HSPH1: variants seen among roughly 807,000 people sequenced by gnomAD.
The protein encoded by HSPH1 is heat shock protein 105 kDa.
In HSPH1, 40 loss-of-function variants were observed where a neutral mutation model predicts 100.0. The ratio of observed to expected loss-of-function variants is 0.40; its 90% CI spans 0.31 to 0.52. HSPH1 has a LOEUF of 0.52. Among genes scored for constraint, HSPH1 ranks in the 20% least tolerant of loss-of-function variants. HSPH1 has a pLI of 0.54. For synonymous variants in HSPH1, 403 were observed against 344.0 expected (o/e 1.17, Z -1.90); for missense variants, 876 against 1,015.1 (o/e 0.86, Z 1.86).
At chr13:31,151,214 T>C (rs761487352) in intron 6 of HSPH1, 23 bp from the exon 7 acceptor site, 10 of 1,564,876 alleles carry the variant, frequency 6.4e-6, no homozygotes, top group Non-Finnish European at 7.8e-6. Flanking sequence ...AAACAACAAA[T>C]AGTCTGGTTA....
chr13:31,156,070 A>G (rs1406699139), intron 2 of HSPH1, among the ~76,000 whole-genome samples: 1 of 152,242 alleles, frequency 6.6e-6, no homozygotes, highest in Non-Finnish European at 1.5e-5. Context: ...TAGTAGCACT[A>G]TAGCCAAATT....
Position 31,135,320 on chromosome 13 carries a change from T to G in HSPH1, c.*1998A>C, listed in dbSNP as rs1955858459. On this transcript the variant is annotated 3_prime_UTR_variant, in exon 18 of 18. Transcript: ENST00000320027. The stretch of plus-strand genomic sequence containing the variant: ...AATCTTTTTTAATGGATGTCCTAAT[T>G]GTACACAGAACACAAACCTATCTTC... 1 of 152,352 alleles carries G rather than the reference T, an allele frequency of 6.6e-6. No homozygotes were observed. The highest frequency in any genetic ancestry group is 1.9e-4 in the East Asian group (1 of 5,190). 9.4% of individuals were successfully genotyped at this position (152,352 alleles called of 1,614,324 possible). A position where few individuals can be genotyped will look rare whatever the true frequency, so the allele number is the denominator to read the frequency against.
In HSPH1 at chr13:31,135,055, G is replaced by A. The variant is rs886429720; in HGVS notation, c.*2263C>T. The A allele has an allele frequency of 6.6e-6, 1 of 152,158 alleles. No individual in the cohort carries two copies. Among genetic ancestry groups the A allele is most frequent in the Non-Finnish European group, 1.5e-5 (1 of 68,030 alleles). 9.4% of individuals were successfully genotyped at this position (152,158 alleles called of 1,614,324 possible). A position where few individuals can be genotyped will look rare whatever the true frequency, so the allele number is the denominator to read the frequency against. On this transcript the variant is annotated 3_prime_UTR_variant, in exon 18 of 18. Coordinates refer to ENST00000320027, the MANE Select transcript of HSPH1 (RefSeq NM_006644.4). ...AATTGTAAAATTTAATCTTTAAACA[G>A]CATTTATTCAAACTGGTGCATATCT...
At chr13:31,146,480 T>C (rs1192732687) in intron 10 of HSPH1, among the ~76,000 whole-genome samples, 1 of 152,144 alleles carries the variant, frequency 6.6e-6, no homozygotes. Context: ...TTTGCAAGCA[T>C]AAGGAAGATG....
At chr13:31,150,267 C>T in intron 7 of HSPH1, 85 bp from the exon 8 acceptor site, 1 of 947,436 alleles carries the variant, frequency 1.1e-6, no homozygotes. Context: ...TCATTATTTT[C>T]CCCCTCAGAC....
intron 5 of HSPH1, chr13:31,152,644 A>T (rs1956529277): frequency 2.9e-6 from 1 of 350,114 alleles, no homozygotes; most frequent in South Asian, 4.5e-5. Flanking sequence ...AAACATGAAA[A>T]GAATTCTCTA....
At chr13:31,143,607 C>T (rs1208290272) in intron 12 of HSPH1, among the ~76,000 whole-genome samples, 185 bp downstream of exon 12, 1 of 152,088 alleles carries the variant, frequency 6.6e-6, no homozygotes, top group Non-Finnish European at 1.5e-5. Flanking sequence ...ACATTCAATT[C>T]CCTTAATTGA....
In HSPH1 at chr13:31,137,284, T is replaced by C. The variant is rs909759643; in HGVS notation, c.*34A>G. 7.7e-7 allele frequency: 1 copy of C among 1,295,814 alleles called. No individual in the cohort carries two copies. The highest frequency in any genetic ancestry group is 1.5e-5 in the African/African-American group (1 of 67,304). The allele number at this position is 1,295,814 out of a possible 1,614,324, so 80.3% of individuals were successfully genotyped here. On this transcript the variant is annotated 3_prime_UTR_variant, in exon 18 of 18. Transcript: ENST00000320027. ...GTCACATACTATGGCAAAAATATTT[T>C]ATTAATTGAAGGAATAGGCCAATTT...
In HSPH1 at chr13:31,138,451, G is replaced by T. The variant is rs771022114; in HGVS notation, c.2326C>A (p.Gln776Lys). 2 of 1,613,134 alleles carry T rather than the reference G, an allele frequency of 1.2e-6. No individual in the cohort carries two copies. Among genetic ancestry groups the T allele is most frequent in the South Asian group, 2.2e-5 (2 of 91,010 alleles). The change falls in exon 17 of 18, where the codon CAG (glutamine) becomes AAG (lysine). Residue 776 changes from glutamine to lysine, a missense_variant. Gln to Lys is a moderately conservative substitution (Grantham distance 53, BLOSUM62 1). Coordinates refer to ENST00000320027, the MANE Select transcript of HSPH1 (RefSeq NM_006644.4). ...TCCTGAGCACGTACAACTGGATCCT[G>T]ATCAAGACTCTTTTTAGCCTGAGCA... is the stretch of plus-strand genomic sequence containing the variant. ...MNAQAKKSLD[Q>K]DPVVRAQEIK...
rs1259700601 is a variant in HSPH1, at chr13:31,141,174, T to C, written c.1802A>G (p.Asn601Ser). 6 of 1,609,320 alleles carry C rather than the reference T, an allele frequency of 3.7e-6. No individual in the cohort carries two copies. In the African/African-American group the frequency reaches 4.0e-5, roughly 11 times the overall value. Residue 601 changes from asparagine to serine, a missense_variant, in exon 13 of 18, where the codon AAC (asparagine) becomes AGC (serine). By Grantham distance (46) the Asn-to-Ser change is conservative. Coordinates refer to ENST00000320027, the MANE Select transcript of HSPH1 (RefSeq NM_006644.4). ...VVNVELPIEA[N>S]LVWQLGKDLL... ...GTCTTTCCCTAACTGCCAGACCAAG[T>C]TGGCTTCAATAGGCAGCTCAACATT... is the stretch of plus-strand genomic sequence containing the variant.
chr13:31,152,461 C>A (rs1261161936), intron 5 of HSPH1: 1 of 203,176 alleles, frequency 4.9e-6, no homozygotes, highest in Non-Finnish European at 1.0e-5. Flanking sequence ...TAAATGATCA[C>A]CTATCTACAG....
chr13:31,149,881 T>A, intron 8 of HSPH1, 73 bp downstream of exon 8: 1 of 1,193,762 alleles, frequency 8.4e-7, no homozygotes, highest in African/African-American at 1.5e-5. Flanking sequence ...CTGTTTATTA[T>A]CCCACCATGA....
intron 6 of HSPH1, 101 bp from the exon 7 acceptor site, chr13:31,151,292 A>C: frequency 1.1e-6 from 1 of 946,634 alleles, no homozygotes; most frequent in Non-Finnish European, 1.6e-6. Context: ...TAAGAGACTC[A>C]AGACTATATT....
At chr13:31,150,807 C>A (rs1956459990) in intron 7 of HSPH1, 140 bp downstream of exon 7, 1 of 810,994 alleles carries the variant, frequency 1.2e-6, no homozygotes, top group African/African-American at 1.7e-5. Flanking sequence ...TGGTGATAAA[C>A]AACAGCATCT....
intron 4 of HSPH1, among the ~76,000 whole-genome samples, chr13:31,153,576 C>G (rs1956564718): frequency 6.6e-6 from 1 of 152,132 alleles, no homozygotes; most frequent in Non-Finnish European, 1.5e-5. Flanking sequence ...AGTTGTAATT[C>G]TTTTTTGACT....
rs1956178256 is a variant in HSPH1, at chr13:31,143,735, A to G, written c.1716+57T>C. The G allele has an allele frequency of 6.2e-6, 9 of 1,445,176 alleles. No individual in the cohort carries two copies. The South Asian group carries it at 1.2e-4, about 19-fold the overall frequency. 89.5% of individuals were successfully genotyped at this position (1,445,176 alleles called of 1,614,324 possible). A position where few individuals can be genotyped will look rare whatever the true frequency, so the allele number is the denominator to read the frequency against. On this transcript the variant is annotated intron_variant, in intron 12 of 17. Coordinates refer to ENST00000320027, the MANE Select transcript of HSPH1 (RefSeq NM_006644.4). ...CTTGAAACTGCAATTTAATGATATC[A>G]TTAATGATTACACTTTGCAACATTG... is the stretch of plus-strand genomic sequence containing the variant.
intron 10 of HSPH1, among the ~76,000 whole-genome samples, chr13:31,147,400 G>C (rs928690206): frequency 1.3e-5 from 2 of 151,342 alleles, no homozygotes; most frequent in East Asian, 2.0e-4. Context: ...AAAAGACCTA[G>C]CAATATTGGC....
At chr13:31,156,080 T>G (rs746939060) in intron 2 of HSPH1, among the ~76,000 whole-genome samples, 4 of 152,206 alleles carry the variant, frequency 2.6e-5, no homozygotes, top group African/African-American at 4.8e-5. Flanking sequence ...ATAGCCAAAT[T>G]ATAATTTTGT....
intron 7 of HSPH1, 123 bp from the exon 8 acceptor site, chr13:31,150,305 A>C: frequency 4.6e-6 from 3 of 654,536 alleles, no homozygotes; most frequent in Middle Eastern, 8.5e-4. Context: ...GGCCAAGTTT[A>C]GCTGTATTGT....
Sources: allele counts gnomAD v4.1 joint callset (sites outside exome capture counted in the v4.1 genomes callset), GRCh38; gene constraint gnomAD v4.1.1; transcripts MANE v1.5; gene names NCBI Gene and HGNC (gene_info 2026-07-23, HGNC 2026-07-21).